Variants in SDK1 observed in about 807,000 individuals in gnomAD.
SDK1 encodes protein sidekick-1.
In SDK1, 157 loss-of-function variants were observed where a neutral mutation model predicts 245.5. The ratio of observed to expected loss-of-function variants is 0.64; its 90% confidence interval spans 0.56 to 0.73. SDK1 has a LOEUF of 0.73. Ranked by LOEUF, SDK1 falls within the 30% of genes least tolerant of loss-of-function variation. The pLI, the probability that SDK1 is intolerant of heterozygous loss-of-function variation, is 0.00. For missense variants in SDK1, 3,583 were observed against 3,002.3 expected (o/e 1.19, Z -4.52); for synonymous variants, 1,647 against 1,278.5 (o/e 1.29, Z -6.15).
chr7:3,984,477 A>T (rs1783664029), intron 13 of SDK1, among the ~76,000 whole-genome samples: 2 of 151,806 alleles, frequency 1.3e-5, no homozygotes, highest in Non-Finnish European at 2.9e-5. Flanking sequence ...ATCAAACATA[A>T]CCCCCTTGAG....
intron 1 of SDK1, among the ~76,000 whole-genome samples, chr7:3,322,095 A>G (rs1779829429): frequency 6.6e-6 from 1 of 151,458 alleles, no homozygotes; most frequent in Non-Finnish European, 1.5e-5. Flanking sequence ...ATACATCCAG[A>G]GTGCTGTGTG....
chr7:3,661,821 C>T (rs915612141), intron 4 of SDK1, among the ~76,000 whole-genome samples: 2 of 152,058 alleles, frequency 1.3e-5, no homozygotes, highest in African/African-American at 4.8e-5. Context: ...ACCTGGGCTT[C>T]CGGGCACCAC....
chr7:3,518,626 T>A (rs1409590520), intron 1 of SDK1, among the ~76,000 whole-genome samples: 1 of 151,472 alleles, frequency 6.6e-6, no homozygotes, highest in African/African-American at 2.4e-5. Flanking sequence ...AAAACCACAA[T>A]AAGATATCAT....
intron 4 of SDK1, among the ~76,000 whole-genome samples, chr7:3,695,399 G>C (rs1490675159): frequency 6.6e-6 from 1 of 152,132 alleles, no homozygotes; most frequent in Non-Finnish European, 1.5e-5. Context: ...TCATAATCCT[G>C]TTTTCTATAG....
intron 1 of SDK1, among the ~76,000 whole-genome samples, chr7:3,610,871 C>G (rs769465695): frequency 2.6e-5 from 4 of 152,224 alleles, no homozygotes; most frequent in Non-Finnish European, 4.4e-5. Context: ...TTCACATGGA[C>G]TGACTCAAAT....
chr7:3,603,462 C>T (rs1781314300), intron 1 of SDK1, among the ~76,000 whole-genome samples: 2 of 151,280 alleles, frequency 1.3e-5, no homozygotes, highest in Non-Finnish European at 2.9e-5. Flanking sequence ...TGGGAGTTCA[C>T]TCATGATTTG....
At chr7:3,388,980 G>C (rs1339435995) in intron 1 of SDK1, among the ~76,000 whole-genome samples, 1 of 152,170 alleles carries the variant, frequency 6.6e-6, no homozygotes, top group Non-Finnish European at 1.5e-5. Flanking sequence ...AAAGGAAATA[G>C]CATTATCCTG....
intron 1 of SDK1, among the ~76,000 whole-genome samples, chr7:3,377,606 C>G (rs187476623): frequency 1.1e-3 from 169 of 152,198 alleles, no homozygotes; most frequent in African/African-American, 3.7e-3. Flanking sequence ...TGTAACAGTT[C>G]TGAGTTCCCT....
intron 1 of SDK1, among the ~76,000 whole-genome samples, chr7:3,573,612 C>T (rs1201403911): frequency 6.6e-6 from 1 of 152,036 alleles, no homozygotes; most frequent in Non-Finnish European, 1.5e-5. Context: ...CTTCCAGAGC[C>T]AGCCTTTGAA....
At chr7:3,959,063 G>A (rs368262909) in intron 8 of SDK1, 49 bp downstream of exon 8, 3 of 1,387,652 alleles carry the variant, frequency 2.2e-6, no homozygotes, top group Admixed American at 3.4e-5. Flanking sequence ...GGGAGGAAGG[G>A]AAACAACCTT....
intron 1 of SDK1, among the ~76,000 whole-genome samples, chr7:3,441,382 C>CA (rs1780191910): frequency 6.6e-6 from 1 of 151,120 alleles, no homozygotes; most frequent in Admixed American, 6.6e-5. Flanking sequence ...TCCAAAATCT[C>CA]AAAAAAACAA....
At chr7:4,236,881 T>G (rs1488662390) in intron 41 of SDK1, among the ~76,000 whole-genome samples, 3 of 152,066 alleles carry the variant, frequency 2.0e-5, no homozygotes, top group Admixed American at 1.3e-4. Context: ...CATCCTCACT[T>G]TAACCCACAC....
At chr7:3,302,490 A>G (rs76976410) in intron 1 of SDK1, 6,495 of 152,150 alleles carry the variant, frequency 0.043, 435 homozygotes, top group African/African-American at 0.14. Flanking sequence ...GCTTCTGTTT[A>G]GAATACAGTG....
At chr7:3,622,848 C>T (rs1364272066) in intron 2 of SDK1, among the ~76,000 whole-genome samples, 1 of 151,724 alleles carries the variant, frequency 6.6e-6, no homozygotes, top group East Asian at 1.9e-4. Flanking sequence ...TTATGTTCCA[C>T]GAGGGCCTCA....
intron 1 of SDK1, among the ~76,000 whole-genome samples, chr7:3,408,647 G>C (rs1214285715): frequency 6.6e-6 from 1 of 152,104 alleles, no homozygotes; most frequent in Non-Finnish European, 1.5e-5. Context: ...TTGGGCACCT[G>C]TTTGTATAAA....
intron 35 of SDK1, among the ~76,000 whole-genome samples, chr7:4,190,439 A>G (rs954614822): frequency 6.6e-6 from 1 of 152,178 alleles, no homozygotes; most frequent in African/African-American, 2.4e-5. Context: ...CACAGATGAG[A>G]GTGATGAGTC....
chr7:3,522,880 C>A (rs143202746), intron 1 of SDK1, among the ~76,000 whole-genome samples: 2 of 66,132 alleles, frequency 3.0e-5, no homozygotes, highest in African/African-American at 1.3e-4. Context: ...CCTTTGTCTG[C>A]GGAGATCTGA....
chr7:3,613,597 C>G (rs1781672530), intron 1 of SDK1, among the ~76,000 whole-genome samples: 1 of 152,064 alleles, frequency 6.6e-6, no homozygotes, highest in South Asian at 2.1e-4. Flanking sequence ...CCTCAAAGAC[C>G]TAAAGACAGA....
intron 1 of SDK1, among the ~76,000 whole-genome samples, chr7:3,485,683 G>GGTTTTTTTT (rs1781665576): frequency 2.6e-5 from 1 of 38,178 alleles, no homozygotes; most frequent in Non-Finnish European, 4.5e-5. Context: ...TCTTTGGAGG[G>GGTTTTTTTT]TTTTTTTTTT....
Sources: allele counts gnomAD v4.1 joint callset (sites outside exome capture counted in the v4.1 genomes callset), GRCh38; gene constraint gnomAD v4.1.1; transcripts MANE v1.5; gene names NCBI Gene and HGNC (gene_info 2026-07-23, HGNC 2026-07-21).